AP4E1: variants seen among roughly 807,000 people sequenced by gnomAD.
AP4E1 encodes AP-4 complex subunit epsilon-1.
Under a neutral mutation model 128.2 loss-of-function variants are expected in AP4E1, and 56 were observed. That is an observed-to-expected ratio of 0.44 (90% CI 0.35 to 0.55). The LOEUF (loss-of-function observed/expected upper bound fraction) is 0.55, where lower values mean the gene tolerates loss of function less well. Among genes scored for constraint, AP4E1 ranks in the 20% least tolerant of loss-of-function variants. The probability of loss-of-function intolerance (pLI) is 0.00; values close to 1 mark genes in which losing one functional copy is unlikely to be tolerated. For synonymous variants in AP4E1, 484 were observed against 473.1 expected (o/e 1.02, Z -0.30); for missense variants, 1,324 against 1,307.7 (o/e 1.01, Z -0.19).
At chr15:50,954,430 C>T (rs935386017) in intron 13 of AP4E1, among the ~76,000 whole-genome samples, 4 of 152,174 alleles carry the variant, frequency 2.6e-5, no homozygotes, top group Non-Finnish European at 4.4e-5. Flanking sequence ...AGAAAAATCT[C>T]AACTGAATTT....
intron 2 of AP4E1, 55 bp downstream of exon 2, chr15:50,912,204 G>C: frequency 6.9e-7 from 1 of 1,443,930 alleles, no homozygotes; most frequent in Non-Finnish European, 9.8e-7. Flanking sequence ...AGTCACTGTG[G>C]ACTCAATAGT....
intron 3 of AP4E1, 42 bp downstream of exon 3, chr15:50,915,613 T>C: frequency 1.2e-6 from 2 of 1,602,548 alleles, no homozygotes; most frequent in Non-Finnish European, 1.7e-6. Flanking sequence ...CATGTTGTCC[T>C]TGAAGTTGCA....
chr15:50,998,985 A>T, intron 18 of AP4E1, 87 bp from the exon 19 acceptor site: 1 of 1,256,472 alleles, frequency 8.0e-7, no homozygotes, highest in Non-Finnish European at 1.2e-6. Context: ...GATTTGTGCC[A>T]CTTCAATTAA....
intron 13 of AP4E1, among the ~76,000 whole-genome samples, chr15:50,951,585 G>A (rs747165240): frequency 5.3e-5 from 8 of 152,092 alleles, no homozygotes; most frequent in Non-Finnish European, 1.0e-4. Context: ...ATATTTTATA[G>A]AATTGCCAAA....
chr15:50,917,196 T>C (rs2063640197), intron 3 of AP4E1, among the ~76,000 whole-genome samples: 1 of 152,234 alleles, frequency 6.6e-6, no homozygotes, highest in Non-Finnish European at 1.5e-5. Context: ...TCAACCATTG[T>C]TGAGCATTTT....
chr15:50,999,373 A>T (rs1422226614), intron 19 of AP4E1, 111 bp downstream of exon 19: 17 of 899,772 alleles, frequency 1.9e-5, no homozygotes, highest in Admixed American at 1.0e-4. Context: ...AACAGTTAAA[A>T]ACTACGCACA....
At chr15:50,908,209 C>G (rs28415694), upstream of AP4E1, among the ~76,000 whole-genome samples, 719 of 152,124 alleles carry the variant, frequency 4.7e-3, 10 homozygotes, top group African/African-American at 0.017. Context: ...AGGACAGCCC[C>G]GCTATCACGC....
At chr15:50,914,888 C>T (rs986639718) in intron 2 of AP4E1, among the ~76,000 whole-genome samples, 3 of 152,032 alleles carry the variant, frequency 2.0e-5, no homozygotes, top group Admixed American at 6.6e-5. Flanking sequence ...AATCATGCCC[C>T]TCAGTTTATA....
Position 50,996,279 on chromosome 15 carries a change from T to C in AP4E1, c.2347-1047T>C, listed in dbSNP as rs1299517120. 2.6e-5 allele frequency among the ~76,000 whole-genome samples: 4 copies of C among 151,630 alleles called. No individual in the cohort carries two copies. The East Asian group carries it at 7.7e-4, about 29-fold the overall frequency. On this transcript the variant is annotated intron_variant, in intron 17 of 20. Transcript: ENST00000261842. Reference sequence around the variant, plus strand: ...TCCCAATGTGCTGGGATTACAGATATGAGTCACCATGCCTGACCTCTAATA... The same window carrying C: ...TCCCAATGTGCTGGGATTACAGATACGAGTCACCATGCCTGACCTCTAATA...
At chr15:50,937,709 A>C (rs547940676) in intron 8 of AP4E1, among the ~76,000 whole-genome samples, 2 of 152,202 alleles carry the variant, frequency 1.3e-5, no homozygotes, top group Non-Finnish European at 2.9e-5. Flanking sequence ...TTAGATAGGC[A>C]GAAGGGAGAT....
chr15:50,915,811 T>C, intron 3 of AP4E1: 1 of 494,738 alleles, frequency 2.0e-6, no homozygotes. Flanking sequence ...TGATGGCGGT[T>C]AGATGACTAT....
intron 7 of AP4E1, among the ~76,000 whole-genome samples, chr15:50,933,476 C>T (rs987213298): frequency 3.3e-5 from 5 of 152,116 alleles, no homozygotes; most frequent in South Asian, 2.1e-4. Flanking sequence ...ATCTTGTTCA[C>T]AAATGTTTCT....
intron 15 of AP4E1, among the ~76,000 whole-genome samples, chr15:50,968,852 C>T (rs1407856331): frequency 1.8e-4 from 9 of 49,002 alleles, no homozygotes; most frequent in Non-Finnish European, 3.1e-4. Context: ...TTTCAAACTT[C>T]GGCCTCAAGT....
At chr15:50,945,272 T>C in intron 10 of AP4E1, 2 of 783,282 alleles carry the variant, frequency 2.6e-6, no homozygotes, top group Non-Finnish European at 4.8e-6. Context: ...GTGTTAAATT[T>C]AACCCAATCG....
intron 8 of AP4E1, among the ~76,000 whole-genome samples, chr15:50,938,548 C>A (rs2063939856): frequency 1.3e-5 from 2 of 152,138 alleles, no homozygotes; most frequent in Non-Finnish European, 2.9e-5. Context: ...AAGGCCCCTT[C>A]CTTACGCTGT....
chr15:50,920,137 G>A (rs1352256597), intron 3 of AP4E1, among the ~76,000 whole-genome samples: 4 of 121,466 alleles, frequency 3.3e-5, no homozygotes, highest in Admixed American at 2.7e-4. Flanking sequence ...TTTTTGAGAC[G>A]GAGTCTCGCT....
intron 13 of AP4E1, among the ~76,000 whole-genome samples, chr15:50,955,786 C>G (rs930739152): frequency 1.3e-5 from 2 of 152,330 alleles, no homozygotes; most frequent in Admixed American, 1.3e-4. Flanking sequence ...AAAGTCCTGA[C>G]TCCCCACTCA....
At chr15:50,986,476 C>T (rs1299403088) in intron 16 of AP4E1, among the ~76,000 whole-genome samples, 7 of 152,056 alleles carry the variant, frequency 4.6e-5, no homozygotes, top group South Asian at 2.1e-4. Context: ...TTTTGAGATA[C>T]GTCCCATCAA....
rs144290492 is a variant in AP4E1 at position 50,946,465 on chromosome 15, T to C, written c.1177-1555T>C. Among the ~76,000 whole-genome samples the C allele has an allele frequency of 9.0e-3, 1,373 of 152,322 alleles. 12 individuals carry two copies. Among genetic ancestry groups the C allele is most frequent in the Non-Finnish European group, 0.016 (1,056 of 68,032 alleles). ...TAGTGCTTTACTTATATTTGGCTTT[T>C]CGACTCTTACAAAACCATCAGTCTG... On this transcript the variant is annotated intron_variant, in intron 10 of 20. Transcript: ENST00000261842.
Sources: gnomAD v4.1 joint callset for allele counts (sites outside exome capture counted in the v4.1 genomes callset) on GRCh38, gnomAD v4.1.1 for gene constraint, MANE v1.5 for transcripts, NCBI Gene and HGNC (gene_info 2026-07-23, HGNC 2026-07-21) for gene names.